Variants in ZEB2 observed in about 807,000 individuals in gnomAD.
ZEB2 encodes zinc finger E-box binding homeobox 2.
ZEB2 carries 6 observed loss-of-function variants against 99.9 expected under a neutral mutation model. That is an observed-to-expected ratio of 0.06 (90% CI 0.03 to 0.12). ZEB2 has a LOEUF of 0.12. Among genes scored for constraint, ZEB2 ranks in the 10% least tolerant of loss-of-function variants. The pLI is 1.00. For missense variants in ZEB2, 969 were observed against 1,502.8 expected (o/e 0.64, Z 5.87); for synonymous variants, 517 against 542.5 (o/e 0.95, Z 0.65).
intron 5 of ZEB2, 67 bp downstream of exon 5, chr2:144,404,769 T>A: frequency 3.9e-6 from 6 of 1,553,582 alleles, no homozygotes; most frequent in Non-Finnish European, 5.3e-6. Context: ...CCCAGGCATG[T>A]AGTGCATTTG....
At chr2:144,512,565 T>C (rs2149931505) in intron 2 of ZEB2, 1 of 1,287,222 alleles carries the variant, frequency 7.8e-7, no homozygotes, top group East Asian at 5.5e-5. Flanking sequence ...TTTACCCTAT[T>C]TGAAAACAAA....
intron 2 of ZEB2, among the ~76,000 whole-genome samples, chr2:144,453,063 C>G (rs1444569497): frequency 6.6e-6 from 1 of 152,146 alleles, no homozygotes; most frequent in Non-Finnish European, 1.5e-5. Flanking sequence ...TAATCCAAAA[C>G]CATTTCCTTA....
chr2:144,447,145 G>A (rs1478872038), intron 2 of ZEB2, among the ~76,000 whole-genome samples: 1 of 151,890 alleles, frequency 6.6e-6, no homozygotes, highest in East Asian at 1.9e-4. Flanking sequence ...CATATTCTAA[G>A]TTCTTCAGAT....
At chr2:144,405,156 G>T in intron 4 of ZEB2, 132 bp from the exon 5 acceptor site, 1 of 985,790 alleles carries the variant, frequency 1.0e-6, no homozygotes, top group Non-Finnish European at 1.5e-6. Context: ...TGTAAGAAGT[G>T]TTGAAGATGA....
intron 4 of ZEB2, chr2:144,405,279 T>G (rs192296903): frequency 1.5e-4 from 71 of 473,354 alleles, no homozygotes; most frequent in African/African-American, 1.3e-3. Flanking sequence ...TATTAGTCTG[T>G]ATATACAAAG....
chr2:144,488,040 C>T (rs1704623791), intron 2 of ZEB2, among the ~76,000 whole-genome samples: 1 of 152,126 alleles, frequency 6.6e-6, no homozygotes, highest in African/African-American at 2.4e-5. Context: ...GGTGGGAGAT[C>T]ACATGGATGT....
intron 2 of ZEB2, among the ~76,000 whole-genome samples, chr2:144,438,609 A>G (rs892710241): frequency 2.6e-5 from 4 of 152,142 alleles, no homozygotes; most frequent in African/African-American, 7.2e-5. Flanking sequence ...TCTTACCCCA[A>G]AGAAATGCCT....
chr2:144,420,143 T>C (rs970683871), intron 4 of ZEB2, among the ~76,000 whole-genome samples: 2 of 152,212 alleles, frequency 1.3e-5, no homozygotes, highest in African/African-American at 4.8e-5. Flanking sequence ...GTGTGCTCCC[T>C]GCTATAACTG....
At chr2:144,455,594 T>C (rs1260276416) in intron 2 of ZEB2, among the ~76,000 whole-genome samples, 4 of 152,228 alleles carry the variant, frequency 2.6e-5, no homozygotes, top group Non-Finnish European at 5.9e-5. Context: ...TTTTTAGAAA[T>C]GCTTCCCGGG....
chr2:144,429,799 C>G lies in ZEB2; in HGVS notation c.301G>C (p.Glu101Gln). ...CCATCTACAGAGGCTTGTAGAATCT[C>G]GTTGTTGTGCCAGGGGTGTTCCACT... ...GGVEHPWHNNEILQASVDGPE... is the reference protein window; with the variant it reads ...GGVEHPWHNNQILQASVDGPE... The change falls in exon 3 of 10, where the codon GAG becomes CAG. Residue 101 changes from glutamate (E) to glutamine (Q), a missense_variant. Physicochemically the swap from Glu to Gln is conservative, Grantham distance 29. Transcript: ENST00000627532. 1 of 1,613,834 alleles carries G rather than the reference C, an allele frequency of 6.2e-7. No individual in the cohort carries two copies. The highest frequency in any genetic ancestry group is 8.5e-7 in the Non-Finnish European group (1 of 1,179,834).
At chr2:144,446,796 C>T (rs1253143635) in intron 2 of ZEB2, among the ~76,000 whole-genome samples, 3 of 152,006 alleles carry the variant, frequency 2.0e-5, no homozygotes, top group African/African-American at 4.8e-5. Context: ...AGGCGGATTA[C>T]CTGAGGTCAG....
intron 7 of ZEB2, 45 bp from the exon 8 acceptor site, chr2:144,400,315 A>C (rs1250305529): frequency 1.9e-6 from 3 of 1,584,984 alleles, no homozygotes; most frequent in Non-Finnish European, 2.6e-6. Flanking sequence ...TTGATTAGAT[A>C]ACAATTGCAA....
At chr2:144,433,962 G>C (rs1458537688) in intron 2 of ZEB2, among the ~76,000 whole-genome samples, 2 of 152,128 alleles carry the variant, frequency 1.3e-5, no homozygotes, top group Admixed American at 1.3e-4. Context: ...TAATTAGCTT[G>C]ACATTTGAAA....
chr2:144,390,115 G>A, intron 9 of ZEB2, 87 bp from the exon 10 acceptor site: 1 of 1,353,592 alleles, frequency 7.4e-7, no homozygotes, highest in Non-Finnish European at 1.0e-6. Context: ...CCAGACTCAG[G>A]CATAAGCGTG....
Position 144,399,307 on chromosome 2 carries a change from A to C in ZEB2, c.1880T>G (p.Val627Gly), listed in dbSNP as rs730881176. Residue 627 changes from valine (V) to glycine (G), a missense_variant, in exon 8 of 10, where the codon GTT becomes GGT. Coordinates refer to ENST00000627532, the MANE Select transcript of ZEB2 (RefSeq NM_014795.4). The surrounding 1 kb of genome is among the most constrained non-coding windows in gnomAD (Gnocchi z 5.6). Reference sequence around the variant, plus strand: ...GAGGAGGGCTTTATTATCAACAAAAACTCCGGCTTTGTTGGGGACTATGTT... The same window carrying C: ...GAGGAGGGCTTTATTATCAACAAAACCTCCGGCTTTGTTGGGGACTATGTT... ...HENIVPNKAG[V>G]FVDNKALLLS... The C allele has an allele frequency of 1.9e-6, 3 of 1,613,566 alleles. No homozygotes were observed. The highest frequency in any genetic ancestry group is 2.5e-6 in the Non-Finnish European group (3 of 1,179,880).
intron 2 of ZEB2, among the ~76,000 whole-genome samples, chr2:144,499,399 A>G (rs4605312): frequency 6.6e-6 from 1 of 152,246 alleles, no homozygotes; most frequent in African/African-American, 2.4e-5. Flanking sequence ...TTTAACCAGT[A>G]TCTAATCTAT....
intron 2 of ZEB2, among the ~76,000 whole-genome samples, chr2:144,478,024 G>A (rs1704454520): frequency 6.6e-6 from 1 of 152,072 alleles, no homozygotes; most frequent in African/African-American, 2.4e-5. Flanking sequence ...GGAGACGCTC[G>A]GGTTTCATCC....
intron 2 of ZEB2, among the ~76,000 whole-genome samples, chr2:144,489,044 A>G (rs560903946): frequency 6.6e-6 from 1 of 152,306 alleles, no homozygotes; most frequent in South Asian, 2.1e-4. Flanking sequence ...AACATACAAG[A>G]TGAAATCTAC....
At chr2:144,429,591 T>G (rs916542171) in intron 3 of ZEB2, 178 bp downstream of exon 3, 4 of 954,118 alleles carry the variant, frequency 4.2e-6, no homozygotes, top group Non-Finnish European at 6.3e-6. Context: ...ACTGCCGCAA[T>G]GTGATAACAT....
Sources: gnomAD v4.1 joint callset for allele counts (sites outside exome capture counted in the v4.1 genomes callset) on GRCh38, gnomAD v4.1.1 for gene constraint, Gnocchi (gnomAD v3.1) non-coding constraint, MANE v1.5 for transcripts, NCBI Gene and HGNC (gene_info 2026-07-23, HGNC 2026-07-21) for gene names.